The following DMD variants were observed in gnomAD, a reference collection of about 807,000 sequenced individuals.
DMD encodes mutant dystrophin.
DMD carries 63 observed loss-of-function variants against 330.1 expected under a neutral mutation model. That is an observed-to-expected ratio of 0.19 (90% CI 0.16 to 0.24). The LOEUF (loss-of-function observed/expected upper bound fraction) is 0.24, where lower values mean the gene tolerates loss of function less well. Among genes scored for constraint, DMD ranks in the 10% least tolerant of loss-of-function variants. DMD has a pLI of 1.00. For missense variants in DMD, 3,344 were observed against 2,684.1 expected, an observed-to-expected ratio of 1.25 and a Z score of -5.43; for synonymous variants, 1,223 against 959.8, an observed-to-expected ratio of 1.27 and a Z score of -5.07.
chrX:31,511,421 C>A lies in DMD; in HGVS notation c.8218-3968G>T, dbSNP rs1411278607. On this transcript the variant is annotated intron_variant, in intron 55 of 78. Coordinates refer to ENST00000357033, the MANE Select transcript of DMD (RefSeq NM_004006.3). ...TATGTATACATGTGCCATGCTGGTG[C>A]GCTGCACCCACTAACTCATCATCTA... Among the ~76,000 whole-genome samples the A allele has an allele frequency of 8.8e-5, 9 of 102,824 alleles. 1 individual carries two copies. Among genetic ancestry groups the A allele is most frequent in the Non-Finnish European group, 5.9e-5 (3 of 50,748 alleles). The allele number at this position is 102,824 out of a possible 115,157, so 89.3% of individuals were successfully genotyped here. A position where few individuals can be genotyped will look rare whatever the true frequency, so the allele number is the denominator to read the frequency against.
chrX:31,244,415 T>C (rs377146806), intron 63 of DMD, among the ~76,000 whole-genome samples: 1 of 112,269 alleles, frequency 8.9e-6, no homozygotes, highest in Non-Finnish European at 1.9e-5. Context: ...ACATCACTTA[T>C]ACATAAGTAG....
intron 1 of DMD, among the ~76,000 whole-genome samples, chrX:33,162,797 A>G (rs762179241): frequency 8.2e-5 from 9 of 110,075 alleles, no homozygotes; most frequent in Non-Finnish European, 1.5e-4. Flanking sequence ...CTCACTTAAG[A>G]TTCTGTAAAA....
chrX:32,937,749 C>T (rs2090120756), intron 2 of DMD, among the ~76,000 whole-genome samples: 1 of 109,318 alleles, frequency 9.1e-6, no homozygotes, highest in African/African-American at 3.3e-5. Context: ...CGTTACACAA[C>T]CTGTATCTGA....
chrX:31,145,349 C>T (rs1204605180), intron 76 of DMD, among the ~76,000 whole-genome samples: 1 of 111,527 alleles, frequency 9.0e-6, no homozygotes, highest in Non-Finnish European at 1.9e-5. Flanking sequence ...TTTACTATCC[C>T]ATTACCCAAA....
intron 1 of DMD, chrX:33,085,996 G>A (rs905941657): frequency 3.6e-5 from 4 of 112,140 alleles, no homozygotes; most frequent in African/African-American, 1.3e-4. Context: ...TGTCAGATGT[G>A]TATAATATAA....
At chrX:33,165,861 G>A (rs139310297) in intron 1 of DMD, among the ~76,000 whole-genome samples, 683 of 111,522 alleles carry the variant, frequency 6.1e-3, no homozygotes, top group African/African-American at 0.021. Flanking sequence ...AGTAAGAAGA[G>A]GAAGAAAACC....
chrX:31,152,404 T>A (rs1224087235), intron 74 of DMD, among the ~76,000 whole-genome samples: 1 of 111,948 alleles, frequency 8.9e-6, no homozygotes, highest in Admixed American at 9.4e-5. Context: ...CCTCAGGTGA[T>A]CCACCCATCT....
chrX:32,423,385 A>G (rs1258187225), intron 29 of DMD, among the ~76,000 whole-genome samples: 1 of 110,248 alleles, frequency 9.1e-6, no homozygotes, highest in Non-Finnish European at 1.9e-5. Context: ...AAGAGCAAAC[A>G]TAATTTGTCT....
At chrX:31,766,114 A>T (rs1013043094) in intron 51 of DMD, among the ~76,000 whole-genome samples, 3 of 110,557 alleles carry the variant, frequency 2.7e-5, no homozygotes, top group Non-Finnish European at 3.8e-5. Flanking sequence ...TCAGAAAATT[A>T]AAAAAAAACC....
intron 43 of DMD, among the ~76,000 whole-genome samples, chrX:32,233,322 G>A (rs1355474644): frequency 9.0e-6 from 1 of 111,027 alleles, no homozygotes; most frequent in East Asian, 2.8e-4. Context: ...GAGGTCTGAT[G>A]CTGATGTTAC....
At chrX:33,175,969 A>T (rs1443186912) in intron 1 of DMD, among the ~76,000 whole-genome samples, 1 of 111,705 alleles carries the variant, frequency 9.0e-6, no homozygotes, top group Non-Finnish European at 1.9e-5. Context: ...ATTATTTTAC[A>T]GTTAAGGAAA....
chrX:32,139,775 C>T (rs1406578796), intron 44 of DMD, among the ~76,000 whole-genome samples: 1 of 111,913 alleles, frequency 8.9e-6, no homozygotes, highest in South Asian at 3.7e-4. Flanking sequence ...CCTTGTGAGT[C>T]TATGAATATT....
At chrX:33,131,203 G>T (rs1333434709) in intron 1 of DMD, among the ~76,000 whole-genome samples, 1 of 111,027 alleles carries the variant, frequency 9.0e-6, no homozygotes, top group African/African-American at 3.3e-5. Context: ...GGCTGCTGCT[G>T]CTGCTGGTGG....
intron 51 of DMD, among the ~76,000 whole-genome samples, chrX:31,762,563 CAAAACA>C (rs754668894): frequency 6.3e-5 from 7 of 111,210 alleles, no homozygotes; most frequent in Non-Finnish European, 1.1e-4. Flanking sequence ...GACTCCATCT[CAAAACA>C]AAAACAAAAA....
intron 1 of DMD, among the ~76,000 whole-genome samples, chrX:33,192,722 C>A (rs770815703): frequency 8.9e-6 from 1 of 111,984 alleles, no homozygotes; most frequent in East Asian, 2.8e-4. Context: ...AAATTTATTT[C>A]TAAGCCATGA....
intron 7 of DMD, among the ~76,000 whole-genome samples, chrX:32,712,137 T>C (rs1002811873): frequency 3.6e-5 from 4 of 111,768 alleles, no homozygotes; most frequent in African/African-American, 1.3e-4. Flanking sequence ...TATTCATTTA[T>C]CCATTTATTT....
intron 7 of DMD, among the ~76,000 whole-genome samples, chrX:32,796,882 A>T (rs954402864): frequency 8.9e-6 from 1 of 112,120 alleles, no homozygotes; most frequent in Non-Finnish European, 1.9e-5. Context: ...TTTCCCTCTT[A>T]TAAGATTTAA....
chrX:32,687,223 T>C (rs1031735954), intron 9 of DMD, among the ~76,000 whole-genome samples: 7 of 112,223 alleles, frequency 6.2e-5, no homozygotes, highest in Non-Finnish European at 1.1e-4. Flanking sequence ...CAGTCATCAG[T>C]AAGTAGAGTG....
intron 62 of DMD, among the ~76,000 whole-genome samples, chrX:31,277,743 G>A (rs2052269674): frequency 9.0e-6 from 1 of 111,603 alleles, no homozygotes; most frequent in South Asian, 3.8e-4. Flanking sequence ...ACTAACTACA[G>A]TGTTTTTCAA....
Sources: allele counts gnomAD v4.1 joint callset (sites outside exome capture counted in the v4.1 genomes callset), GRCh38; gene constraint gnomAD v4.1.1; transcripts MANE v1.5; gene names NCBI Gene and HGNC (gene_info 2026-07-23, HGNC 2026-07-21).